The following CAMKMT variants were observed in gnomAD, a reference collection of about 807,000 sequenced individuals.
CAMKMT encodes CaM KMT.
A neutral mutation model predicts 48.0 loss-of-function variants in CAMKMT; 53 were observed. The observed-to-expected ratio is 1.10, with a 90% CI of 0.89 to 1.39. The LOEUF (loss-of-function observed/expected upper bound fraction) is 1.39, where lower values mean the gene tolerates loss of function less well. CAMKMT is among the 40% of genes most tolerant of loss of function. The pLI, the probability that CAMKMT is intolerant of heterozygous loss-of-function variation, is 0.00. For missense variants in CAMKMT, 428 were observed against 402.7 expected (o/e 1.06, Z -0.54); for synonymous variants, 165 against 152.3 (o/e 1.08, Z -0.61).
intron 3 of CAMKMT, among the ~76,000 whole-genome samples, chr2:44,698,775 G>T (rs1471644145): frequency 1.3e-5 from 2 of 152,178 alleles, no homozygotes; most frequent in Non-Finnish European, 2.9e-5. Flanking sequence ...GAAAGATTTC[G>T]CTGTAGCATG....
In CAMKMT at chr2:44,361,968, TG is replaced by T; in HGVS notation, c.-39del. The T allele has an allele frequency of 7.3e-7, 1 of 1,362,860 alleles. No individual in the cohort carries two copies. Among genetic ancestry groups the T allele is most frequent in the Non-Finnish European group, 9.4e-7 (1 of 1,062,452 alleles). The allele number at this position is 1,362,860 out of a possible 1,614,324, so 84.4% of individuals were successfully genotyped here. ...TGGCAGGTCCTGGCAGGGGACGAGC[TG>T]CGGCGGTGGCACCTCCGGGTGTGGA... On this transcript the variant is annotated 5_prime_UTR_variant, in exon 1 of 11. Transcript: ENST00000378494.
chr2:44,437,482 C>T (rs1666334810), intron 3 of CAMKMT, among the ~76,000 whole-genome samples: 4 of 141,008 alleles, frequency 2.8e-5, no homozygotes, highest in Non-Finnish European at 5.9e-5. Flanking sequence ...TTATTTAATT[C>T]CTTTATGTCC....
intron 7 of CAMKMT, among the ~76,000 whole-genome samples, chr2:44,743,349 A>G (rs1306254149): frequency 6.6e-6 from 1 of 152,194 alleles, no homozygotes; most frequent in Non-Finnish European, 1.5e-5. Context: ...TACGGTAAAG[A>G]TAAGATATTT....
At chr2:44,363,598 T>C (rs1185472712) in intron 1 of CAMKMT, among the ~76,000 whole-genome samples, 1 of 151,344 alleles carries the variant, frequency 6.6e-6, no homozygotes, top group Non-Finnish European at 1.5e-5. Flanking sequence ...CAAGCTGGTC[T>C]CGAACTCCCC....
At chr2:44,674,261 A>C (rs1675539620) in intron 3 of CAMKMT, among the ~76,000 whole-genome samples, 1 of 151,958 alleles carries the variant, frequency 6.6e-6, no homozygotes, top group African/African-American at 2.4e-5. Flanking sequence ...GGGTATGCAA[A>C]CCCCTGTGAT....
chr2:44,684,090 T>C (rs932099758), intron 3 of CAMKMT, among the ~76,000 whole-genome samples: 1 of 152,114 alleles, frequency 6.6e-6, no homozygotes, highest in African/African-American at 2.4e-5. Context: ...CAATCATTTG[T>C]TGAGGGTGGG....
chr2:44,479,915 A>T (rs779968742), intron 3 of CAMKMT, among the ~76,000 whole-genome samples: 2 of 152,166 alleles, frequency 1.3e-5, no homozygotes, highest in African/African-American at 2.4e-5. Context: ...AATCTCAGGG[A>T]AAGATATGAT....
intron 3 of CAMKMT, among the ~76,000 whole-genome samples, chr2:44,510,904 G>C (rs1485155896): frequency 2.0e-5 from 3 of 151,922 alleles, no homozygotes; most frequent in African/African-American, 7.3e-5. Context: ...TTCGTGGCAT[G>C]ATCTTGGCTC....
At chr2:44,374,947 T>C (rs1014346241) in intron 2 of CAMKMT, among the ~76,000 whole-genome samples, 5 of 152,028 alleles carry the variant, frequency 3.3e-5, no homozygotes, top group South Asian at 2.1e-4. Flanking sequence ...CTTGGCAACA[T>C]AGGGAAACCC....
intron 3 of CAMKMT, among the ~76,000 whole-genome samples, chr2:44,691,433 C>T (rs182083695): frequency 2.0e-5 from 3 of 152,308 alleles, no homozygotes; most frequent in Non-Finnish European, 2.9e-5. Context: ...ACCTCCTAAT[C>T]GTCACGTTAA....
At chr2:44,543,785 A>G (rs920554105) in intron 3 of CAMKMT, among the ~76,000 whole-genome samples, 4 of 152,186 alleles carry the variant, frequency 2.6e-5, no homozygotes, top group African/African-American at 9.7e-5. Flanking sequence ...CATGTATTTT[A>G]TTTCTCTGGA....
At chr2:44,545,762 C>T (rs1572763748) in intron 3 of CAMKMT, among the ~76,000 whole-genome samples, 1 of 149,154 alleles carries the variant, frequency 6.7e-6, no homozygotes, top group Non-Finnish European at 1.5e-5. Flanking sequence ...TTTTAATGGA[C>T]ACCTTGTAGA....
intron 3 of CAMKMT, among the ~76,000 whole-genome samples, chr2:44,576,316 G>A (rs1388366717): frequency 7.7e-6 from 1 of 129,354 alleles, no homozygotes; most frequent in Non-Finnish European, 1.6e-5. Context: ...CAACAAGAGT[G>A]AAACTCTGTC....
chr2:44,596,765 C>T (rs1018906089), intron 3 of CAMKMT, among the ~76,000 whole-genome samples: 1 of 152,036 alleles, frequency 6.6e-6, no homozygotes, highest in Non-Finnish European at 1.5e-5. Context: ...AATCTCACCC[C>T]GAGAAAATCC....
At chr2:44,696,007 A>T (rs765918247) in intron 3 of CAMKMT, among the ~76,000 whole-genome samples, 2 of 152,004 alleles carry the variant, frequency 1.3e-5, no homozygotes, top group Admixed American at 6.6e-5. Flanking sequence ...GAGTGGCGTG[A>T]TCTCGGCTCA....
At chr2:44,761,875 A>T (rs556084287) in intron 9 of CAMKMT, among the ~76,000 whole-genome samples, 1 of 152,358 alleles carries the variant, frequency 6.6e-6, no homozygotes, top group South Asian at 2.1e-4. Context: ...TATTTTGGAC[A>T]AAATGGATTA....
At chr2:44,425,492 T>A (rs1281896470) in intron 3 of CAMKMT, among the ~76,000 whole-genome samples, 1 of 152,206 alleles carries the variant, frequency 6.6e-6, no homozygotes, top group Non-Finnish European at 1.5e-5. Context: ...TGATATGAAC[T>A]GTTTTGATTA....
At chr2:44,770,300 A>G (rs1323040647) in intron 10 of CAMKMT, among the ~76,000 whole-genome samples, 1 of 152,196 alleles carries the variant, frequency 6.6e-6, no homozygotes, top group Non-Finnish European at 1.5e-5. Context: ...GCTCTTCCCC[A>G]TTGTGGAAAG....
intron 3 of CAMKMT, among the ~76,000 whole-genome samples, chr2:44,688,802 T>TTCC (rs368305394): frequency 3.5e-4 from 53 of 152,304 alleles, no homozygotes; most frequent in African/African-American, 1.2e-3. Flanking sequence ...GACGTGCACC[T>TTCC]AAACAACATT....
Sources: gnomAD v4.1 joint callset for allele counts (sites outside exome capture counted in the v4.1 genomes callset) on GRCh38, gnomAD v4.1.1 for gene constraint, MANE v1.5 for transcripts, NCBI Gene and HGNC (gene_info 2026-07-23, HGNC 2026-07-21) for gene names.